The following METTL24 variants were observed in gnomAD, a reference collection of about 807,000 sequenced individuals.
METTL24 encodes the protein probable methyltransferase-like protein 24.
Under a neutral mutation model 32.7 loss-of-function variants are expected in METTL24, and 29 were observed. The ratio of observed to expected loss-of-function variants is 0.89; its 90% CI spans 0.66 to 1.21. METTL24 has a LOEUF of 1.21. Among genes scored for constraint, METTL24 ranks in the 50% most tolerant of loss-of-function variants. The probability of loss-of-function intolerance (pLI) is 0.00; values close to 1 mark genes in which losing one functional copy is unlikely to be tolerated. For missense variants in METTL24, 439 were observed against 468.1 expected, an observed-to-expected ratio of 0.94 and a Z score of 0.57; for synonymous variants, 163 against 179.5, an observed-to-expected ratio of 0.91 and a Z score of 0.73.
At chr6:110,291,426 T>G (rs986225538) in intron 4 of METTL24, among the ~76,000 whole-genome samples, 3 of 152,198 alleles carry the variant, frequency 2.0e-5, no homozygotes, top group Non-Finnish European at 2.9e-5. Flanking sequence ...AACCAGTTGT[T>G]CCAGCACCAT....
chr6:110,253,009 G>A (rs138552404), intron 4 of METTL24, among the ~76,000 whole-genome samples: 17 of 152,320 alleles, frequency 1.1e-4, no homozygotes, highest in African/African-American at 4.1e-4. Context: ...AGCTGTGAAT[G>A]ACTGATTGAC....
At chr6:110,300,708 A>G (rs1035452523) in intron 3 of METTL24, among the ~76,000 whole-genome samples, 1 of 152,172 alleles carries the variant, frequency 6.6e-6, no homozygotes, top group Admixed American at 6.5e-5. Flanking sequence ...GGCATGAGCC[A>G]TGGCACCCCA....
In METTL24 at chr6:110,290,047, CT is replaced by C. The variant is rs1771290751; in HGVS notation, c.786+8874del. ...CCTCCTGCCTCAGCCTCCTGAGTAG[CT>C]GGGACTAAAGGTGTGTGTCACCACA... On this transcript the variant is annotated intron_variant, in intron 4 of 4. Coordinates refer to ENST00000338882, the MANE Select transcript of METTL24 (RefSeq NM_001123364.3). Among the ~76,000 whole-genome samples the C allele has an allele frequency of 7.2e-5, 11 of 152,136 alleles. No homozygotes were observed. The South Asian group carries it at 2.3e-3, about 32-fold the overall frequency.
intron 3 of METTL24, among the ~76,000 whole-genome samples, chr6:110,302,430 C>T (rs1410146963): frequency 1.5e-5 from 2 of 137,546 alleles, no homozygotes; most frequent in African/African-American, 5.9e-5. Context: ...CATATACACA[C>T]ACATATGTGT....
chr6:110,273,812 T>A (rs1012374958), intron 4 of METTL24, among the ~76,000 whole-genome samples: 2 of 152,216 alleles, frequency 1.3e-5, no homozygotes, highest in African/African-American at 4.8e-5. Flanking sequence ...GAAAACAATA[T>A]GGAGATTCCT....
intron 4 of METTL24, among the ~76,000 whole-genome samples, chr6:110,290,159 A>AC (rs112332495): frequency 2.0e-5 from 3 of 151,422 alleles, no homozygotes; most frequent in East Asian, 2.0e-4. Flanking sequence ...CAAGAGATCC[A>AC]CCCCCCCTCA....
At chr6:110,261,662 C>A (rs1486977433) in intron 4 of METTL24, among the ~76,000 whole-genome samples, 1 of 152,172 alleles carries the variant, frequency 6.6e-6, no homozygotes, top group African/African-American at 2.4e-5. Context: ...ACAATATATA[C>A]ATTCTTCTCA....
chr6:110,290,164 C>A (rs984992615), intron 4 of METTL24, among the ~76,000 whole-genome samples: 8 of 152,118 alleles, frequency 5.3e-5, no homozygotes, highest in Non-Finnish European at 1.0e-4. Flanking sequence ...GATCCACCCC[C>A]CCTCAGCCTC....
intron 1 of METTL24, among the ~76,000 whole-genome samples, chr6:110,347,213 G>A (rs1772494397): frequency 6.6e-6 from 1 of 152,120 alleles, no homozygotes; most frequent in African/African-American, 2.4e-5. Context: ...AAAAAGCCTG[G>A]ATTTTAAGTT....
chr6:110,342,077 C>T (rs963738636), intron 1 of METTL24, among the ~76,000 whole-genome samples: 31 of 152,330 alleles, frequency 2.0e-4, no homozygotes, highest in Admixed American at 2.0e-3. Flanking sequence ...ATAAGAGGTG[C>T]AATGGGCTGA....
At chr6:110,346,533 A>C in intron 1 of METTL24, among the ~76,000 whole-genome samples, 1 of 125,528 alleles carries the variant, frequency 8.0e-6, no homozygotes, top group Non-Finnish European at 1.6e-5. Flanking sequence ...ATGGAGTCTC[A>C]CTCTGTCACC....
intron 3 of METTL24, among the ~76,000 whole-genome samples, chr6:110,312,056 A>T (rs533397502): frequency 6.6e-6 from 1 of 152,280 alleles, no homozygotes; most frequent in Non-Finnish European, 1.5e-5. Context: ...GGTTTAATAC[A>T]GTCCCATTTG....
intron 4 of METTL24, among the ~76,000 whole-genome samples, chr6:110,292,756 C>G (rs1046792097): frequency 6.6e-6 from 1 of 151,458 alleles, no homozygotes; most frequent in Non-Finnish European, 1.5e-5. Flanking sequence ...TTTTTATGGT[C>G]TTTAAAAAAA....
At chr6:110,325,547 G>T (rs576228215) in intron 1 of METTL24, among the ~76,000 whole-genome samples, 1 of 152,180 alleles carries the variant, frequency 6.6e-6, no homozygotes, top group Non-Finnish European at 1.5e-5. Flanking sequence ...TAATGCAAGG[G>T]AGACAGACTA....
At chr6:110,312,553 G>A (rs1771742732) in intron 3 of METTL24, among the ~76,000 whole-genome samples, 1 of 152,220 alleles carries the variant, frequency 6.6e-6, no homozygotes, top group African/African-American at 2.4e-5. Flanking sequence ...GCAGCAACAT[G>A]TTTGGAACTG....
rs1239943226 is a variant in METTL24 at position 110,245,893 on chromosome 6, G to T, written c.*53C>A. On this transcript the variant is annotated 3_prime_UTR_variant, in exon 5 of 5. Transcript: ENST00000338882. ...GAGTAAACTCATGATTAGAATTATG[G>T]ACATGCTGCATTCTGCAAATATTTT... 1 of 1,499,326 alleles carries T rather than the reference G, an allele frequency of 6.7e-7. No homozygotes were observed. The highest frequency in any genetic ancestry group is 9.1e-7 in the Non-Finnish European group (1 of 1,104,184). The allele number at this position is 1,499,326 out of a possible 1,614,324, so 92.9% of individuals were successfully genotyped here.
At chr6:110,314,834 C>T (rs1771788804) in intron 3 of METTL24, among the ~76,000 whole-genome samples, 1 of 152,022 alleles carries the variant, frequency 6.6e-6, no homozygotes, top group African/African-American at 2.4e-5. Flanking sequence ...GTGGTGGGTG[C>T]ATGCCTGTGG....
intron 3 of METTL24, among the ~76,000 whole-genome samples, chr6:110,308,267 C>T (rs1771660042): frequency 6.6e-6 from 1 of 152,198 alleles, no homozygotes; most frequent in East Asian, 1.9e-4. Flanking sequence ...CAGTCCCATG[C>T]CCTTTAACAC....
At chr6:110,295,840 A>T (rs944395783) in intron 4 of METTL24, among the ~76,000 whole-genome samples, 7 of 147,334 alleles carry the variant, frequency 4.8e-5, no homozygotes, top group East Asian at 1.9e-4. Context: ...GAAGGAAGGA[A>T]GGTTCTCTAT....
Sources: allele counts gnomAD v4.1 joint callset (sites outside exome capture counted in the v4.1 genomes callset), GRCh38; gene constraint gnomAD v4.1.1; transcripts MANE v1.5; gene names NCBI Gene and HGNC (gene_info 2026-07-23, HGNC 2026-07-21).